Variants in NLGN1 observed in about 807,000 individuals in gnomAD.
NLGN1 encodes neuroligin-1.
In NLGN1, 12 loss-of-function variants were observed where a neutral mutation model predicts 65.5. The observed-to-expected ratio is 0.18, with a 90% CI of 0.12 to 0.30. The LOEUF (loss-of-function observed/expected upper bound fraction) is 0.30, where lower values mean the gene tolerates loss of function less well. Among genes scored for constraint, NLGN1 ranks in the 10% least tolerant of loss-of-function variants. NLGN1 has a pLI of 1.00. For missense variants in NLGN1, 750 were observed against 1,007.1 expected, an observed-to-expected ratio of 0.74 and a Z score of 3.46; for synonymous variants, 350 against 359.5, an observed-to-expected ratio of 0.97 and a Z score of 0.30.
chr3:174,147,553 C>T (rs554132306), intron 4 of NLGN1, among the ~76,000 whole-genome samples: 1 of 150,152 alleles, frequency 6.7e-6, no homozygotes, highest in South Asian at 2.1e-4. Context: ...CCTGGCTCAG[C>T]CTCCCAAGTA....
chr3:173,795,703 T>A (rs755532203), intron 3 of NLGN1, among the ~76,000 whole-genome samples: 3 of 152,120 alleles, frequency 2.0e-5, no homozygotes, highest in Non-Finnish European at 4.4e-5. Flanking sequence ...ATGCATTGAA[T>A]TCTGGCATTG....
chr3:173,804,885 A>C (rs1174175770), intron 3 of NLGN1, among the ~76,000 whole-genome samples: 1 of 151,966 alleles, frequency 6.6e-6, no homozygotes, highest in African/African-American at 2.4e-5. Flanking sequence ...AATTAGCCAG[A>C]CATGGTAGTA....
downstream of NLGN1, among the ~76,000 whole-genome samples, chr3:174,290,928 T>C (rs760099337): frequency 8.0e-5 from 12 of 150,636 alleles, no homozygotes; most frequent in Non-Finnish European, 1.3e-4. Flanking sequence ...CTAAAAAACC[T>C]TAAGAATATA....
At chr3:174,025,607 G>A (rs1382452130) in intron 4 of NLGN1, among the ~76,000 whole-genome samples, 1 of 152,036 alleles carries the variant, frequency 6.6e-6, no homozygotes, top group African/African-American at 2.4e-5. Flanking sequence ...CATATAATAA[G>A]ATATTTAAAC....
At chr3:173,852,355 CAAAAAAAAAAAA>C (rs71162367) in intron 4 of NLGN1, among the ~76,000 whole-genome samples, 6 of 46,660 alleles carry the variant, frequency 1.3e-4, no homozygotes, top group East Asian at 9.6e-4. Context: ...GACTCCGTCT[CAAAAAAAAAAAA>C]AAAAAAAAAA....
intron 2 of NLGN1, among the ~76,000 whole-genome samples, chr3:173,576,701 C>G (rs1183958762): frequency 6.6e-6 from 1 of 152,130 alleles, no homozygotes; most frequent in Non-Finnish European, 1.5e-5. Flanking sequence ...ATCTCTCCAT[C>G]TCAAGATCCT....
At chr3:173,460,349 T>C (rs577368751) in intron 2 of NLGN1, among the ~76,000 whole-genome samples, 1 of 152,262 alleles carries the variant, frequency 6.6e-6, no homozygotes, top group South Asian at 2.1e-4. Context: ...TCAGGAGACT[T>C]ACGGCTTAGT....
intron 4 of NLGN1, among the ~76,000 whole-genome samples, chr3:174,135,464 T>C (rs1721036870): frequency 6.6e-6 from 1 of 152,212 alleles, no homozygotes. Flanking sequence ...AATATTTTTC[T>C]AACCCTCGAG....
At chr3:174,267,279 T>G (rs1270386771) in intron 4 of NLGN1, among the ~76,000 whole-genome samples, 1 of 152,148 alleles carries the variant, frequency 6.6e-6, no homozygotes. Flanking sequence ...CTTCCACTCA[T>G]GGTGGGAGGC....
chr3:173,624,065 A>G (rs1754441013), intron 3 of NLGN1, among the ~76,000 whole-genome samples: 1 of 152,112 alleles, frequency 6.6e-6, no homozygotes, highest in Non-Finnish European at 1.5e-5. Flanking sequence ...TGGCTCTAAC[A>G]ACAGGTCAGC....
chr3:173,505,899 A>G (rs1166239094), intron 2 of NLGN1, among the ~76,000 whole-genome samples: 1 of 152,080 alleles, frequency 6.6e-6, no homozygotes, highest in Non-Finnish European at 1.5e-5. Flanking sequence ...CAACACCCAA[A>G]ATAATAATTT....
chr3:173,522,720 A>G (rs1577088932), intron 2 of NLGN1, among the ~76,000 whole-genome samples: 1 of 152,126 alleles, frequency 6.6e-6, no homozygotes, highest in South Asian at 2.1e-4. Context: ...GGTGTGAGCC[A>G]CCCTGCCTGG....
At chr3:174,145,195 T>A (rs1722984642) in intron 4 of NLGN1, among the ~76,000 whole-genome samples, 1 of 152,114 alleles carries the variant, frequency 6.6e-6, no homozygotes, top group Non-Finnish European at 1.5e-5. Context: ...TTACCTATTT[T>A]GTATTTACAG....
chr3:174,112,622 T>C (rs764603278), intron 4 of NLGN1, among the ~76,000 whole-genome samples: 2 of 151,960 alleles, frequency 1.3e-5, no homozygotes, highest in Non-Finnish European at 2.9e-5. Flanking sequence ...TTATATCTTC[T>C]GTTGTATTGA....
chr3:173,906,607 A>G (rs1738445550), intron 4 of NLGN1, among the ~76,000 whole-genome samples: 1 of 152,140 alleles, frequency 6.6e-6, no homozygotes, highest in African/African-American at 2.4e-5. Flanking sequence ...GAGGCAAAAC[A>G]GTGGGTGATT....
At chr3:174,086,278 T>C (rs559952165) in intron 4 of NLGN1, among the ~76,000 whole-genome samples, 12 of 148,358 alleles carry the variant, frequency 8.1e-5, no homozygotes, top group African/African-American at 1.5e-4. Flanking sequence ...TTTATGTATG[T>C]GCATAAATAT....
intron 2 of NLGN1, among the ~76,000 whole-genome samples, chr3:173,542,087 A>C (rs1050578557): frequency 6.6e-6 from 1 of 151,860 alleles, no homozygotes; most frequent in African/African-American, 2.4e-5. Context: ...CCCTGCATTA[A>C]ATGTTTTCCC....
intron 4 of NLGN1, among the ~76,000 whole-genome samples, chr3:173,969,380 A>G (rs1715661805): frequency 6.6e-6 from 1 of 152,156 alleles, no homozygotes; most frequent in Admixed American, 6.5e-5. Context: ...GTATTAAAGT[A>G]ACATAATTAG....
chr3:173,801,509 T>C (rs552949000), intron 3 of NLGN1, among the ~76,000 whole-genome samples: 1 of 152,160 alleles, frequency 6.6e-6, no homozygotes, highest in African/African-American at 2.4e-5. Context: ...TATGGGTAAA[T>C]AAATTTTTAC....
Sources: allele counts gnomAD v4.1 joint callset (sites outside exome capture counted in the v4.1 genomes callset), GRCh38; gene constraint gnomAD v4.1.1; transcripts MANE v1.5; gene names NCBI Gene and HGNC (gene_info 2026-07-23, HGNC 2026-07-21).